C7orf57: variants seen among roughly 807,000 people sequenced by gnomAD.
The protein encoded by C7orf57 is chromosome 7 open reading frame 57.
In C7orf57, 33 loss-of-function variants were observed where a neutral mutation model predicts 39.0. That is an observed-to-expected ratio of 0.85 (90% CI 0.64 to 1.13). The LOEUF is 1.13. C7orf57 is among the 50% of genes most tolerant of loss of function. The pLI, the probability that C7orf57 is intolerant of heterozygous loss-of-function variation, is 0.00. For missense variants in C7orf57, 346 were observed against 362.3 expected (o/e 0.95, Z 0.37); for synonymous variants, 124 against 137.1 (o/e 0.90, Z 0.67).
rs1239561503 is a variant in C7orf57 at position 48,043,498 on chromosome 7, G to A, written c.259G>A (p.Ala87Thr). ...CTTTTGAGATTTGTTGAAGCACTTT[G>A]CCCCTGGAACCAGGAAAGGCTCTCC... Reference protein sequence around the residue: ...GGRPDLLKHFAPGTRKGSPVA... With the variant: ...GGRPDLLKHFTPGTRKGSPVA... Residue 87 changes from alanine (A) to threonine (T), a missense_variant, in exon 4 of 9, where the codon GCC becomes ACC. By Grantham distance (58) the Ala-to-Thr change is moderately conservative (BLOSUM62 0). Coordinates refer to ENST00000348904, the MANE Select transcript of C7orf57 (RefSeq NM_001100159.3). The A allele has an allele frequency of 1.9e-6, 3 of 1,613,636 alleles. No homozygotes were observed. Among genetic ancestry groups the A allele is most frequent in the East Asian group, 4.5e-5 (2 of 44,860 alleles).
At chr7:48,046,637 G>T (rs1230605953) in intron 5 of C7orf57, 21 bp downstream of exon 5, 13 of 1,603,328 alleles carry the variant, frequency 8.1e-6, no homozygotes. Flanking sequence ...CCCATAAATA[G>T]ACGGCATCCG....
At chr7:48,058,740 C>T (rs1303137070) in intron 8 of C7orf57, among the ~76,000 whole-genome samples, 1 of 152,160 alleles carries the variant, frequency 6.6e-6, no homozygotes. Flanking sequence ...ACAGCAGGTA[C>T]AGAAGATCAC....
intron 7 of C7orf57, among the ~76,000 whole-genome samples, chr7:48,054,369 G>T (rs372924534): frequency 6.8e-6 from 1 of 147,052 alleles, no homozygotes; most frequent in Admixed American, 6.9e-5. Context: ...AGCCGAGATC[G>T]TGCCACTGCA....
intron 6 of C7orf57, among the ~76,000 whole-genome samples, chr7:48,051,772 TTCTTTCTTTC>T (rs1373452712): frequency 2.9e-5 from 3 of 102,658 alleles, no homozygotes; most frequent in African/African-American, 1.0e-4. Context: ...CTTTCTTTCT[TTCTTTCTTTC>T]TTTCTTTCTT....
intron 2 of C7orf57, 76 bp downstream of exon 2, chr7:48,036,439 C>A (rs1054642958): frequency 2.2e-6 from 3 of 1,353,942 alleles, no homozygotes; most frequent in Non-Finnish European, 3.0e-6. Flanking sequence ...CGCTGTGGAC[C>A]CAACGTCCTC....
chr7:48,051,874 T>C lies in C7orf57; in HGVS notation c.606-826T>C, dbSNP rs1476846758. Among the ~76,000 whole-genome samples, 522 of 86,534 alleles carry C rather than the reference T, an allele frequency of 6.0e-3. 61 individuals carry two copies. Among genetic ancestry groups the C allele is most frequent in the Middle Eastern group, 0.028 (4 of 144 alleles). 56.8% of individuals were successfully genotyped at this position (86,534 alleles called of 152,430 possible). A position where few individuals can be genotyped will look rare whatever the true frequency, so the allele number is the denominator to read the frequency against. On this transcript the variant is annotated intron_variant, in intron 6 of 8. Coordinates refer to ENST00000348904, the MANE Select transcript of C7orf57 (RefSeq NM_001100159.3). ...TTCTTTCTTTCTTTCTTTCTTTCTC[T>C]TTCTCTTTCTTTCTTTCCTTCCTTC... is the stretch of plus-strand genomic sequence containing the variant.
intron 6 of C7orf57, among the ~76,000 whole-genome samples, chr7:48,051,029 C>T (rs952780458): frequency 6.6e-6 from 1 of 152,146 alleles, no homozygotes; most frequent in Non-Finnish European, 1.5e-5. Flanking sequence ...CCCTGTCACT[C>T]TTCAGTGTGG....
At chr7:48,055,245 G>A (rs184504942) in intron 8 of C7orf57, among the ~76,000 whole-genome samples, 2 of 152,226 alleles carry the variant, frequency 1.3e-5, no homozygotes, top group Non-Finnish European at 2.9e-5. Context: ...TGTATTACTC[G>A]TCATGTGAGA....
chr7:48,037,198 G>A (rs1247045816), intron 2 of C7orf57, among the ~76,000 whole-genome samples: 1 of 152,150 alleles, frequency 6.6e-6, no homozygotes. Context: ...AGGCCTGGCT[G>A]ATTTGCCTTT....
chr7:48,060,771 T>C lies in C7orf57; in HGVS notation c.*499T>C, dbSNP rs1791268729. On this transcript the variant is annotated 3_prime_UTR_variant, in exon 9 of 9. Coordinates refer to ENST00000348904, the MANE Select transcript of C7orf57 (RefSeq NM_001100159.3). ...ATTTTAATTTATTATGCCATGAATT[T>C]ATAAACATTTAATATAAAACATTAT... 1 of 152,248 alleles carries C rather than the reference T, an allele frequency of 6.6e-6. No individual in the cohort carries two copies. Among genetic ancestry groups the C allele is most frequent in the South Asian group, 2.1e-4 (1 of 4,838 alleles). 9.4% of individuals were successfully genotyped at this position (152,248 alleles called of 1,614,324 possible). A position where few individuals can be genotyped will look rare whatever the true frequency, so the allele number is the denominator to read the frequency against.
In C7orf57 at chr7:48,047,830, G is replaced by C. The variant is rs1790760181; in HGVS notation, c.507+1214G>C. ...GGCTCCTCCTGCCACAGCCTCCCGA[G>C]TAGCTAGGTCTACAGGTGCATACTA... On this transcript the variant is annotated intron_variant, in intron 5 of 8. Coordinates refer to ENST00000348904, the MANE Select transcript of C7orf57 (RefSeq NM_001100159.3). Among the ~76,000 whole-genome samples the C allele has an allele frequency of 2.6e-5, 4 of 152,076 alleles. 1 individual carries two copies. In the South Asian group the frequency reaches 8.3e-4, roughly 32 times the overall value.
At chr7:48,053,839 T>A (rs539577898) in intron 7 of C7orf57, among the ~76,000 whole-genome samples, 1 of 152,232 alleles carries the variant, frequency 6.6e-6, no homozygotes, top group Non-Finnish European at 1.5e-5. Context: ...GTGTTCAGTA[T>A]CCATAGCTCT....
chr7:48,036,269 G>A lies in C7orf57; in HGVS notation c.-40G>A. ...CAGCGCACCCGCGAACACCAGGTCC[G>A]GCAGCATCTGTCTTTTCCCGCAGCG... On this transcript the variant is annotated 5_prime_UTR_variant, in exon 2 of 9. Transcript: ENST00000348904. 4.5e-6 allele frequency: 7 copies of A among 1,558,002 alleles called. No individual in the cohort carries two copies. The highest frequency in any genetic ancestry group is 6.1e-6 in the Non-Finnish European group (7 of 1,150,418).
At position 48,060,435 on chromosome 7, in the gene C7orf57, G is replaced by A; in HGVS notation, c.*163G>A. Reference sequence around the variant, plus strand: ...TGACATTGCTGCATAGAAGGGGCAGGTGTTGGTTTTTGTTTCTTGCATTTC... The same window carrying A: ...TGACATTGCTGCATAGAAGGGGCAGATGTTGGTTTTTGTTTCTTGCATTTC... On this transcript the variant is annotated 3_prime_UTR_variant, in exon 9 of 9. Coordinates refer to ENST00000348904, the MANE Select transcript of C7orf57 (RefSeq NM_001100159.3). The A allele has an allele frequency of 4.1e-6, 2 of 491,888 alleles. No individual in the cohort carries two copies. Among genetic ancestry groups the A allele is most frequent in the Non-Finnish European group, 7.4e-6 (2 of 270,454 alleles). The allele number at this position is 491,888 out of a possible 1,614,324, so 30.5% of individuals were successfully genotyped here.
chr7:48,052,570 CAGAG>C (rs972854959), intron 6 of C7orf57, 126 bp from the exon 7 acceptor site: 51 of 706,848 alleles, frequency 7.2e-5, no homozygotes, highest in South Asian at 6.6e-4. Context: ...GAGGGAAAGA[CAGAG>C]AGAGAGAGGT....
chr7:48,036,377 G>C lies in C7orf57; in HGVS notation c.55+14G>C. The stretch of plus-strand genomic sequence containing the variant: ...ACGCTCCCTGCGGTGAGTGCGCCCT[G>C]AGCGCGTCCCGGCCAGAAAGAGCTG... On this transcript the variant is annotated intron_variant, in intron 2 of 8. Transcript: ENST00000348904. 1 of 1,564,966 alleles carries C rather than the reference G, an allele frequency of 6.4e-7. No homozygotes were observed. Among genetic ancestry groups the C allele is most frequent in the Non-Finnish European group, 8.6e-7 (1 of 1,156,252 alleles).
At chr7:48,041,640 T>C in intron 3 of C7orf57, 121 bp downstream of exon 3, 1 of 803,290 alleles carries the variant, frequency 1.2e-6, no homozygotes, top group East Asian at 2.9e-5. Flanking sequence ...CTTAGGGCCT[T>C]GGGAAAGCTA....
intron 3 of C7orf57, among the ~76,000 whole-genome samples, chr7:48,043,167 G>A (rs1790601093): frequency 6.6e-6 from 1 of 152,104 alleles, no homozygotes; most frequent in Admixed American, 6.5e-5. Context: ...GGAGGGATGG[G>A]CCCCCTCCAG....
chr7:48,040,796 T>A (rs1319890773), intron 2 of C7orf57, among the ~76,000 whole-genome samples: 1 of 152,234 alleles, frequency 6.6e-6, no homozygotes, highest in Non-Finnish European at 1.5e-5. Flanking sequence ...CTCACTCTTG[T>A]GTTATTGGTA....
Sources: allele counts gnomAD v4.1 joint callset (sites outside exome capture counted in the v4.1 genomes callset), GRCh38; gene constraint gnomAD v4.1.1; transcripts MANE v1.5; gene names NCBI Gene and HGNC (gene_info 2026-07-23, HGNC 2026-07-21).